The following UNC13C variants were observed in gnomAD, a reference collection of about 807,000 sequenced individuals.
UNC13C encodes the protein protein unc-13 homolog C.
Under a neutral mutation model 245.4 loss-of-function variants are expected in UNC13C, and 174 were observed. The observed-to-expected ratio is 0.71, with a 90% confidence interval of 0.63 to 0.80. UNC13C has a LOEUF of 0.80. Ranked by LOEUF, UNC13C falls within the 30% of genes least tolerant of loss-of-function variation. UNC13C has a pLI of 0.00. For missense variants in UNC13C, 2,829 were observed against 2,602.9 expected (o/e 1.09, Z -1.89); for synonymous variants, 992 against 895.1 (o/e 1.11, Z -1.93).
chr15:54,585,406 GCCTC>G (rs1307047686), intron 30 of UNC13C, among the ~76,000 whole-genome samples: 1 of 152,054 alleles, frequency 6.6e-6, no homozygotes, highest in Non-Finnish European at 1.5e-5. Flanking sequence ...TCTACCTTAG[GCCTC>G]AAAAGAAGCA....
chr15:54,027,241 C>T (rs923203826), intron 2 of UNC13C, among the ~76,000 whole-genome samples: 1 of 151,632 alleles, frequency 6.6e-6, no homozygotes, highest in African/African-American at 2.4e-5. Flanking sequence ...CAGAGGCCAC[C>T]TTTTCTGTGT....
intron 26 of UNC13C, among the ~76,000 whole-genome samples, chr15:54,546,041 T>C (rs1472498531): frequency 2.0e-5 from 3 of 152,196 alleles, no homozygotes; most frequent in Non-Finnish European, 4.4e-5. Flanking sequence ...TGCAGCACTA[T>C]TGACAATATC....
intron 10 of UNC13C, among the ~76,000 whole-genome samples, chr15:54,277,586 A>G (rs1036966513): frequency 1.3e-5 from 2 of 152,190 alleles, no homozygotes; most frequent in African/African-American, 2.4e-5. Context: ...ATAATTAAGT[A>G]TATGTGCTGG....
At chr15:53,920,301 G>C in the UNC13C span, among the ~76,000 whole-genome samples, 1 of 152,094 alleles carries the variant, frequency 6.6e-6, no homozygotes, top group Non-Finnish European at 1.5e-5. Context: ...AGGCCAGGCA[G>C]GGTGGCTCAC....
chr15:54,539,453 C>G (rs1030636405), intron 26 of UNC13C, among the ~76,000 whole-genome samples: 2 of 152,008 alleles, frequency 1.3e-5, no homozygotes, highest in Non-Finnish European at 2.9e-5. Context: ...TGTAGACTTT[C>G]ACTTTTACAA....
intron 2 of UNC13C, among the ~76,000 whole-genome samples, chr15:54,046,691 T>A (rs1174779307): frequency 6.6e-6 from 1 of 151,904 alleles, no homozygotes; most frequent in East Asian, 1.9e-4. Flanking sequence ...ATAACAAAAC[T>A]CTTTTAACCA....
chr15:54,220,068 C>T (rs1252978567), intron 4 of UNC13C, among the ~76,000 whole-genome samples: 1 of 143,766 alleles, frequency 7.0e-6, no homozygotes, highest in East Asian at 1.9e-4. Context: ...ACTACAAATA[C>T]CATTTGACCC....
intron 19 of UNC13C, among the ~76,000 whole-genome samples, chr15:54,468,771 A>T (rs950906836): frequency 3.3e-4 from 50 of 151,630 alleles, no homozygotes; most frequent in African/African-American, 1.1e-3. Context: ...ATGTGGATTT[A>T]TTTCTGGGCT....
At chr15:54,235,564 G>A (rs1324992086) in intron 5 of UNC13C, among the ~76,000 whole-genome samples, 1 of 152,156 alleles carries the variant, frequency 6.6e-6, no homozygotes, top group Non-Finnish European at 1.5e-5. Context: ...GTCAATTCTA[G>A]CTAAATTAAT....
Position 54,542,402 on chromosome 15 carries a change from G to C in UNC13C, c.5697-4320G>C, listed in dbSNP as rs374543436. ...TTTCTGTTCTTTTGCACTTGCTGAGGAGTGTTTTACTTCCAATTATGTGGT... is the reference window on the plus strand; with the variant it reads ...TTTCTGTTCTTTTGCACTTGCTGAGCAGTGTTTTACTTCCAATTATGTGGT... On this transcript the variant is annotated intron_variant, in intron 26 of 32. Transcript: ENST00000260323. 2.0e-5 allele frequency among the ~76,000 whole-genome samples: 3 copies of C among 152,182 alleles called. No homozygotes were observed. In the East Asian group the frequency reaches 5.8e-4, roughly 29 times the overall value.
intron 4 of UNC13C, among the ~76,000 whole-genome samples, chr15:54,190,138 A>G (rs1310348300): frequency 3.3e-5 from 5 of 152,128 alleles, no homozygotes; most frequent in African/African-American, 1.2e-4. Context: ...AACCAACCCT[A>G]CAAGTTGGTT....
At chr15:54,203,010 T>A (rs1432167995) in intron 4 of UNC13C, among the ~76,000 whole-genome samples, 1 of 151,510 alleles carries the variant, frequency 6.6e-6, no homozygotes, top group Admixed American at 6.6e-5. Context: ...AGGACATAAA[T>A]ATACAATTCT....
chr15:54,448,832 T>G (rs1463784307), intron 19 of UNC13C, among the ~76,000 whole-genome samples: 1 of 151,360 alleles, frequency 6.6e-6, no homozygotes, highest in African/African-American at 2.5e-5. Flanking sequence ...GTTAGCTGGT[T>G]ATTTTGCTTG....
At chr15:54,315,700 C>T (rs1408383773) in intron 13 of UNC13C, among the ~76,000 whole-genome samples, 2 of 151,688 alleles carry the variant, frequency 1.3e-5, no homozygotes, top group Non-Finnish European at 2.9e-5. Flanking sequence ...GCTCTATGAG[C>T]ACCTTAAGCT....
At chr15:54,193,394 C>T (rs768015070) in intron 4 of UNC13C, among the ~76,000 whole-genome samples, 1 of 152,154 alleles carries the variant, frequency 6.6e-6, no homozygotes, top group Non-Finnish European at 1.5e-5. Flanking sequence ...GACATCTCCT[C>T]ATTTAGGAAA....
At chr15:53,925,857 C>T in the UNC13C span, among the ~76,000 whole-genome samples, 4 of 152,308 alleles carry the variant, frequency 2.6e-5, no homozygotes, top group East Asian at 7.7e-4. Context: ...TGACCAGGTG[C>T]TTCTCTTTTG....
intron 13 of UNC13C, 67 bp downstream of exon 13, chr15:54,300,440 C>A: frequency 1.5e-6 from 2 of 1,377,426 alleles, no homozygotes; most frequent in South Asian, 1.4e-5. Context: ...AAGGAGCGTT[C>A]ATCTCACTTC....
chr15:54,068,618 G>A (rs1898178705), intron 2 of UNC13C, among the ~76,000 whole-genome samples: 1 of 152,136 alleles, frequency 6.6e-6, no homozygotes, highest in Non-Finnish European at 1.5e-5. Context: ...AAAGGAGAAT[G>A]TGTTGATTGT....
At chr15:54,377,016 C>G (rs998158618) in intron 17 of UNC13C, among the ~76,000 whole-genome samples, 2 of 152,140 alleles carry the variant, frequency 1.3e-5, no homozygotes, top group Non-Finnish European at 2.9e-5. Context: ...AGGAGAAGCC[C>G]TTGTGAAGGC....
Sources: allele counts gnomAD v4.1 joint callset (sites outside exome capture counted in the v4.1 genomes callset), GRCh38; gene constraint gnomAD v4.1.1; transcripts MANE v1.5; gene names NCBI Gene and HGNC (gene_info 2026-07-23, HGNC 2026-07-21).